Variants in MCPH1 observed in about 807,000 individuals in gnomAD.
The protein encoded by MCPH1 is microcephalin.
A neutral mutation model predicts 84.5 loss-of-function variants in MCPH1; 104 were observed. The observed-to-expected ratio is 1.23, with a 90% CI of 1.05 to 1.45. The LOEUF (loss-of-function observed/expected upper bound fraction) is 1.45, where lower values mean the gene tolerates loss of function less well. MCPH1 is among the 40% of genes most tolerant of loss of function. The pLI, the probability that MCPH1 is intolerant of heterozygous loss-of-function variation, is 0.00. For synonymous variants in MCPH1, 514 were observed against 366.8 expected (o/e 1.40, Z -4.58); for missense variants, 1,498 against 1,005.7 (o/e 1.49, Z -6.62).
At chr8:6,484,106 C>G (rs943247978) in intron 11 of MCPH1, among the ~76,000 whole-genome samples, 1 of 152,086 alleles carries the variant, frequency 6.6e-6, no homozygotes, top group Non-Finnish European at 1.5e-5. Context: ...AGCTTTTACT[C>G]TGTGAAAGAT....
intron 12 of MCPH1, among the ~76,000 whole-genome samples, chr8:6,593,601 A>G (rs1176338851): frequency 6.6e-6 from 1 of 152,104 alleles, no homozygotes; most frequent in East Asian, 1.9e-4. Flanking sequence ...TGATCCACCC[A>G]CCTCGGCCTC....
In MCPH1 at chr8:6,445,190, G is replaced by A. The variant is rs752063413; in HGVS notation, c.1468G>A (p.Gly490Ser). ...TISSPRKTGN[G>S]EGRATSSCVT... ...CTCCAGTCCTCGGAAAACTGGAAATGGTGAAGGCCGTGCAACTTCGAGTTG... is the reference window on the plus strand; with the variant it reads ...CTCCAGTCCTCGGAAAACTGGAAATAGTGAAGGCCGTGCAACTTCGAGTTG... The change falls in exon 8 of 14, where the codon GGT (glycine) becomes AGT (serine). Residue 490 changes from glycine (G) to serine (S), a missense_variant. Physicochemically the swap from Gly to Ser is moderately conservative, Grantham distance 56. Transcript: ENST00000344683. 6.2e-7 allele frequency: 1 copy of A among 1,614,242 alleles called. No homozygotes were observed. Among genetic ancestry groups the A allele is most frequent in the Non-Finnish European group, 8.5e-7 (1 of 1,180,052 alleles).
intron 4 of MCPH1, among the ~76,000 whole-genome samples, chr8:6,433,803 T>C (rs949936173): frequency 2.6e-5 from 4 of 152,088 alleles, no homozygotes; most frequent in Non-Finnish European, 4.4e-5. Flanking sequence ...CCAAATGTAA[T>C]TGCAAATTAA....
intron 9 of MCPH1, among the ~76,000 whole-genome samples, chr8:6,461,205 G>C (rs1585903486): frequency 2.0e-5 from 3 of 151,466 alleles, no homozygotes; most frequent in Admixed American, 2.0e-4. Context: ...ACTTCCATTA[G>C]CTTTTTTTTT....
At chr8:6,418,090 TTC>T (rs1184690205) in intron 3 of MCPH1, among the ~76,000 whole-genome samples, 1 of 152,198 alleles carries the variant, frequency 6.6e-6, no homozygotes, top group Non-Finnish European at 1.5e-5. Context: ...AGACTTGAAC[TTC>T]TATACTCAGA....
intron 12 of MCPH1, chr8:6,532,329 T>C (rs1375068007): frequency 1.9e-6 from 3 of 1,614,062 alleles, no homozygotes; most frequent in Non-Finnish European, 2.5e-6. Context: ...TGGCATTACT[T>C]ACTTGGGCTT....
chr8:6,627,305 CAGA>C (rs1796809889), intron 13 of MCPH1: 1 of 985,066 alleles, frequency 1.0e-6, no homozygotes, highest in African/African-American at 1.7e-5. Context: ...AGGCCATCTG[CAGA>C]AGCTGTGGAG....
intron 13 of MCPH1, among the ~76,000 whole-genome samples, chr8:6,631,645 T>C (rs1191585534): frequency 6.7e-6 from 1 of 150,094 alleles, no homozygotes; most frequent in Non-Finnish European, 1.5e-5. Flanking sequence ...CCCATTATGA[T>C]TGCTACTATA....
chr8:6,531,572 G>A (rs1387082820), intron 12 of MCPH1, among the ~76,000 whole-genome samples: 3 of 152,162 alleles, frequency 2.0e-5, no homozygotes, highest in Admixed American at 6.5e-5. Flanking sequence ...AATTACAGGC[G>A]TGAGCTACTG....
intron 5 of MCPH1, 92 bp from the exon 6 acceptor site, chr8:6,438,861 G>A (rs943899043): frequency 1.6e-5 from 19 of 1,154,340 alleles, no homozygotes; most frequent in South Asian, 2.5e-5. Flanking sequence ...GAAGGAAAAC[G>A]GGGTGTGGGG....
chr8:6,567,547 G>C (rs1043200387), intron 12 of MCPH1, among the ~76,000 whole-genome samples: 1 of 152,194 alleles, frequency 6.6e-6, no homozygotes, highest in African/African-American at 2.4e-5. Context: ...GAGGGGCCAG[G>C]AAGTGGCCTG....
At chr8:6,415,003 A>G in intron 3 of MCPH1, 120 bp downstream of exon 3, 1 of 970,676 alleles carries the variant, frequency 1.0e-6, no homozygotes, top group Non-Finnish European at 1.5e-6. Context: ...TCTGCCTCTT[A>G]CCTCACCTAG....
chr8:6,594,973 T>G (rs950490440), intron 12 of MCPH1, among the ~76,000 whole-genome samples: 5 of 152,198 alleles, frequency 3.3e-5, no homozygotes, highest in Non-Finnish European at 7.4e-5. Context: ...TCTAATCTAC[T>G]TTTGACTTAT....
At chr8:6,610,870 A>G (rs935541029) in intron 12 of MCPH1, among the ~76,000 whole-genome samples, 4 of 152,150 alleles carry the variant, frequency 2.6e-5, no homozygotes, top group Non-Finnish European at 4.4e-5. Context: ...TTCTTTCAAG[A>G]ACTGTTTCAC....
At chr8:6,440,730 T>C (rs1474304621) in intron 6 of MCPH1, among the ~76,000 whole-genome samples, 1 of 152,244 alleles carries the variant, frequency 6.6e-6, no homozygotes, top group Non-Finnish European at 1.5e-5. Context: ...TTCATATTAC[T>C]GACTGACTTA....
intron 12 of MCPH1, among the ~76,000 whole-genome samples, chr8:6,595,467 A>G (rs1046941565): frequency 6.6e-6 from 1 of 152,148 alleles, no homozygotes; most frequent in Non-Finnish European, 1.5e-5. Flanking sequence ...CTGGAGAGGG[A>G]GCTGGCCAGC....
intron 12 of MCPH1, among the ~76,000 whole-genome samples, chr8:6,587,271 G>A (rs556003654): frequency 1.3e-4 from 20 of 152,228 alleles, no homozygotes; most frequent in African/African-American, 4.8e-4. Context: ...CTTCTCACTT[G>A]GCCATGTTGA....
rs530137265 is a variant in MCPH1, at chr8:6,539,026, G to C, written c.2214+39097G>C. On this transcript the variant is annotated intron_variant, in intron 12 of 13. Coordinates refer to ENST00000344683, the MANE Select transcript of MCPH1 (RefSeq NM_024596.5). ...TCTCCTCCCCCTCCTTTTAGAGTTG[G>C]GCTTGTGTGTGTGTGTGTGTGTGTT... Among the ~76,000 whole-genome samples the C allele has an allele frequency of 1.4e-3, 104 of 75,756 alleles. 1 individual carries two copies. Among genetic ancestry groups the C allele is most frequent in the Admixed American group, 0.013 (86 of 6,608 alleles). 49.7% of individuals were successfully genotyped at this position (75,756 alleles called of 152,430 possible).
intron 12 of MCPH1, among the ~76,000 whole-genome samples, chr8:6,586,760 G>A (rs1177031278): frequency 2.0e-5 from 3 of 152,224 alleles, no homozygotes; most frequent in East Asian, 1.9e-4. Context: ...TTGAAAGTCT[G>A]TGGGCAAGTT....
Sources: gnomAD v4.1 joint callset for allele counts (sites outside exome capture counted in the v4.1 genomes callset) on GRCh38, gnomAD v4.1.1 for gene constraint, MANE v1.5 for transcripts, NCBI Gene and HGNC (gene_info 2026-07-23, HGNC 2026-07-21) for gene names.